The following WBP1L variants were observed in gnomAD, a reference collection of about 807,000 sequenced individuals.
WBP1L encodes WW domain binding protein 1-like.
Under a neutral mutation model 33.7 loss-of-function variants are expected in WBP1L, and 17 were observed. The ratio of observed to expected loss-of-function variants is 0.50; its 90% CI spans 0.34 to 0.76. The LOEUF (loss-of-function observed/expected upper bound fraction) is 0.76. WBP1L is among the 30% of genes least tolerant of loss of function. The pLI, the probability that WBP1L is intolerant of heterozygous loss-of-function variation, is 0.01. For missense variants in WBP1L, 389 were observed against 469.4 expected (o/e 0.83, Z 1.58); for synonymous variants, 173 against 190.8 (o/e 0.91, Z 0.77).
chr10:102,776,837 TGTGTTGGGG>T (rs1206242758), intron 1 of WBP1L, among the ~76,000 whole-genome samples: 1 of 152,088 alleles, frequency 6.6e-6, no homozygotes, highest in Non-Finnish European at 1.5e-5. Flanking sequence ...GAAGGGACTC[TGTGTTGGGG>T]GTGGGGTGAG....
chr10:102,754,462 G>C (rs569813510), intron 1 of WBP1L, among the ~76,000 whole-genome samples: 1 of 152,076 alleles, frequency 6.6e-6, no homozygotes, highest in Non-Finnish European at 1.5e-5. Context: ...GCAGCGGTGC[G>C]ATCTCAGCTC....
chr10:102,748,806 T>C (rs953070425), intron 1 of WBP1L, among the ~76,000 whole-genome samples: 1 of 152,210 alleles, frequency 6.6e-6, no homozygotes, highest in African/African-American at 2.4e-5. Flanking sequence ...CACAACTGAT[T>C]CTGCTAGGGC....
intron 2 of WBP1L, among the ~76,000 whole-genome samples, chr10:102,804,191 C>A (rs1843699033): frequency 6.6e-6 from 1 of 151,792 alleles, no homozygotes; most frequent in African/African-American, 2.4e-5. Context: ...GAGTTCGAGA[C>A]CAGCCTGGCC....
chr10:102,752,948 G>A (rs1339686835), intron 1 of WBP1L, among the ~76,000 whole-genome samples: 1 of 152,138 alleles, frequency 6.6e-6, no homozygotes. Flanking sequence ...TATCTTGCAT[G>A]GCTTTGGATT....
At chr10:102,788,565 T>C (rs1012859559) in intron 1 of WBP1L, among the ~76,000 whole-genome samples, 2 of 152,182 alleles carry the variant, frequency 1.3e-5, no homozygotes, top group African/African-American at 4.8e-5. Flanking sequence ...AGAACAAAAA[T>C]AGCTGATTCT....
chr10:102,773,890 A>G (rs1434572402), intron 1 of WBP1L, among the ~76,000 whole-genome samples: 2 of 151,812 alleles, frequency 1.3e-5, no homozygotes, highest in Non-Finnish European at 2.9e-5. Context: ...AGGAAGAAAA[A>G]TATGGAACAC....
chr10:102,761,629 T>C (rs1843043563), intron 1 of WBP1L, among the ~76,000 whole-genome samples: 1 of 152,126 alleles, frequency 6.6e-6, no homozygotes, highest in Non-Finnish European at 1.5e-5. Context: ...GCTAATTTTT[T>C]GTATTTTTAG....
chr10:102,778,022 C>G (rs914036304), intron 1 of WBP1L, among the ~76,000 whole-genome samples: 2 of 151,994 alleles, frequency 1.3e-5, no homozygotes, highest in Admixed American at 1.3e-4. Flanking sequence ...GGGCTGGGAG[C>G]TGGAAAGACC....
chr10:102,754,735 C>T (rs1181916667), intron 1 of WBP1L, among the ~76,000 whole-genome samples: 5 of 151,418 alleles, frequency 3.3e-5, no homozygotes, highest in East Asian at 3.9e-4. Context: ...GTCAGGGTCT[C>T]GCTATGCTGC....
chr10:102,793,054 C>T (rs560378179), intron 1 of WBP1L, among the ~76,000 whole-genome samples: 2 of 152,232 alleles, frequency 1.3e-5, no homozygotes, highest in South Asian at 2.1e-4. Context: ...GTTTTATCTG[C>T]GTAAGTATTT....
chr10:102,812,900 G>A lies in WBP1L; in HGVS notation c.661G>A (p.Val221Met), dbSNP rs1843866277. The A allele has an allele frequency of 1.3e-6, 2 of 1,579,702 alleles. No homozygotes were observed. The highest frequency in any genetic ancestry group is 1.7e-6 in the Non-Finnish European group (2 of 1,160,750). The change falls in exon 4 of 4, where the codon GTG (valine) becomes ATG (methionine). Residue 221 changes from valine to methionine, a missense_variant. Val to Met is a conservative substitution (Grantham distance 21). Coordinates refer to ENST00000448841, the MANE Select transcript of WBP1L (RefSeq NM_001083913.2). ...KAPGMEPSGS[V>M]AGLGELDPGA... ...CCCAGGGATGGAGCCCAGTGGCTCT[G>A]TGGCTGGCCTGGGGGAGCTGGACCC...
chr10:102,809,871 T>G, intron 2 of WBP1L, 22 bp from the exon 3 acceptor site: 1 of 1,600,752 alleles, frequency 6.2e-7, no homozygotes, highest in South Asian at 1.1e-5. Flanking sequence ...TGCCTCTCTG[T>G]CTTGCCTTGC....
intron 1 of WBP1L, among the ~76,000 whole-genome samples, chr10:102,749,792 T>A (rs963361071): frequency 6.6e-6 from 1 of 151,912 alleles, no homozygotes; most frequent in Admixed American, 6.6e-5. Flanking sequence ...TTATTTATTT[T>A]TTGAGATGGA....
chr10:102,755,752 T>C (rs948227989), intron 1 of WBP1L, among the ~76,000 whole-genome samples: 2 of 152,028 alleles, frequency 1.3e-5, no homozygotes, highest in African/African-American at 4.8e-5. Context: ...AAATAATAGA[T>C]TTTAAAATGT....
intron 1 of WBP1L, among the ~76,000 whole-genome samples, chr10:102,753,151 T>G (rs1196569934): frequency 6.6e-6 from 1 of 152,138 alleles, no homozygotes; most frequent in Non-Finnish European, 1.5e-5. Flanking sequence ...CCACTGTAAC[T>G]GCACAGCCAG....
intron 1 of WBP1L, among the ~76,000 whole-genome samples, chr10:102,756,063 A>G (rs183694386): frequency 9.2e-5 from 14 of 151,734 alleles, no homozygotes; most frequent in Admixed American, 9.2e-4. Flanking sequence ...TATATAGTCT[A>G]TATATAGAGA....
chr10:102,750,874 T>C (rs1393705495), intron 1 of WBP1L, among the ~76,000 whole-genome samples: 1 of 152,184 alleles, frequency 6.6e-6, no homozygotes, highest in Admixed American at 6.5e-5. Flanking sequence ...TTCTAGCCCC[T>C]TTTCTTCCAT....
intron 2 of WBP1L, 152 bp downstream of exon 2, chr10:102,798,247 T>G: frequency 1.3e-5 from 8 of 637,796 alleles, no homozygotes; most frequent in South Asian, 5.8e-5. Context: ...GTGCTTCCTT[T>G]GTAGAGGAAG....
intron 3 of WBP1L, among the ~76,000 whole-genome samples, chr10:102,811,418 T>G (rs185904065): frequency 2.6e-5 from 4 of 152,322 alleles, no homozygotes; most frequent in Admixed American, 2.6e-4. Flanking sequence ...TGACCTCTCA[T>G]ATGGTCAGTG....
Sources: allele counts gnomAD v4.1 joint callset (sites outside exome capture counted in the v4.1 genomes callset), GRCh38; gene constraint gnomAD v4.1.1; transcripts MANE v1.5; gene names NCBI Gene and HGNC (gene_info 2026-07-23, HGNC 2026-07-21).